VAC14: variants seen among roughly 807,000 people sequenced by gnomAD.
VAC14 encodes VAC14 component of PIKFYVE complex.
Under a neutral mutation model 85.3 loss-of-function variants are expected in VAC14, and 47 were observed. The observed-to-expected ratio is 0.55, with a 90% CI of 0.44 to 0.70. The LOEUF (loss-of-function observed/expected upper bound fraction) is 0.70, where lower values mean the gene tolerates loss of function less well. Among genes scored for constraint, VAC14 ranks in the 30% least tolerant of loss-of-function variants. The pLI, the probability that VAC14 is intolerant of heterozygous loss-of-function variation, is 0.00. For synonymous variants in VAC14, 447 were observed against 430.5 expected (o/e 1.04, Z -0.47); for missense variants, 861 against 1,004.3 (o/e 0.86, Z 1.93).
At chr16:70,712,835 C>G (rs1268596626) in intron 14 of VAC14, among the ~76,000 whole-genome samples, 1 of 152,214 alleles carries the variant, frequency 6.6e-6, no homozygotes, top group East Asian at 1.9e-4. Flanking sequence ...TGAGAATCCT[C>G]TGTGTGCTTC....
intron 2 of VAC14, 31 bp from the exon 3 acceptor site, chr16:70,785,900 A>G (rs1291167940): frequency 6.3e-7 from 1 of 1,586,348 alleles, no homozygotes; most frequent in African/African-American, 1.3e-5. Flanking sequence ...AAGACAGATC[A>G]GAATGGGTTG....
intron 14 of VAC14, among the ~76,000 whole-genome samples, chr16:70,708,812 G>A (rs1258179532): frequency 1.3e-5 from 2 of 152,234 alleles, no homozygotes; most frequent in Non-Finnish European, 2.9e-5. Context: ...TGGGTGCGGG[G>A]AGGAGGGGCA....
chr16:70,736,242 T>C (rs1055057616), intron 13 of VAC14, among the ~76,000 whole-genome samples: 2 of 152,166 alleles, frequency 1.3e-5, no homozygotes, highest in Non-Finnish European at 2.9e-5. Flanking sequence ...GATAAAAACA[T>C]GTAATGTGCC....
At chr16:70,794,489 A>T (rs1308724638) in intron 1 of VAC14, among the ~76,000 whole-genome samples, 1 of 152,238 alleles carries the variant, frequency 6.6e-6, no homozygotes, top group Non-Finnish European at 1.5e-5. Flanking sequence ...CAGAGATCAT[A>T]AACTCAAATG....
At chr16:70,711,411 G>C (rs1414482462) in intron 14 of VAC14, among the ~76,000 whole-genome samples, 1 of 152,156 alleles carries the variant, frequency 6.6e-6, no homozygotes, top group Non-Finnish European at 1.5e-5. Flanking sequence ...GCCTTCTTGA[G>C]GCCCCACCCC....
chr16:70,786,016 T>G, intron 2 of VAC14, 147 bp from the exon 3 acceptor site: 1 of 1,316,908 alleles, frequency 7.6e-7, no homozygotes, highest in Non-Finnish European at 1.0e-6. Context: ...CCAAGCCTCA[T>G]TCCCAGGAGA....
At chr16:70,689,564 C>T in intron 18 of VAC14, 2 of 985,706 alleles carry the variant, frequency 2.0e-6, no homozygotes, top group Non-Finnish European at 2.4e-6. Flanking sequence ...CCTCCTGCAC[C>T]CCTGCTCAGC....
chr16:70,691,666 GA>G (rs1224484217), intron 18 of VAC14: 1 of 985,366 alleles, frequency 1.0e-6, no homozygotes, highest in Non-Finnish European at 1.2e-6. Flanking sequence ...GCCTTCTGGG[GA>G]AATGGGGCAG....
At chr16:70,742,226 G>A (rs1184559210) in intron 13 of VAC14, among the ~76,000 whole-genome samples, 2 of 152,100 alleles carry the variant, frequency 1.3e-5, no homozygotes, top group Non-Finnish European at 2.9e-5. Context: ...TGGGGAGGGA[G>A]AGCCGAGGGT....
chr16:70,790,376 T>G (rs1176235617), intron 1 of VAC14, among the ~76,000 whole-genome samples: 4 of 152,226 alleles, frequency 2.6e-5, no homozygotes, highest in East Asian at 3.9e-4. Flanking sequence ...GGGAAGTAGG[T>G]GACAGGGTTG....
Position 70,698,732 on chromosome 16 carries a change from A to T in VAC14, c.1741T>A (p.Phe581Ile). The T allele has an allele frequency of 6.2e-7, 1 of 1,614,184 alleles. No individual in the cohort carries two copies. The highest frequency in any genetic ancestry group is 8.5e-7 in the Non-Finnish European group (1 of 1,180,014). Residue 581 changes from phenylalanine to isoleucine, a missense_variant, in exon 15 of 19, where the codon TTC becomes ATC. Around this residue, in one of 3 missense-constraint regions of VAC14, gnomAD observed 69 missense variants for 139.0 expected, o/e 0.50. Transcript: ENST00000261776. ...AGGGCGTGGACCATGGTCGAGGCGA[A>T]CTTGAGGTCCTCCTCCCGCAGCAGG... is the stretch of plus-strand genomic sequence containing the variant. ...DILLREEDLK[F>I]ASTMVHALNT...
chr16:70,788,066 C>T (rs570589916), intron 1 of VAC14, among the ~76,000 whole-genome samples: 1 of 152,364 alleles, frequency 6.6e-6, no homozygotes, highest in Non-Finnish European at 1.5e-5. Flanking sequence ...GTATCTTGCT[C>T]ACCTGTTCCA....
Position 70,698,793 on chromosome 16 carries a change from C to T in VAC14, c.1680G>A (p.Leu560=). Residue 560 remains leucine (L), a synonymous_variant, in exon 15 of 19, where the codon CTG becomes CTA. Coordinates refer to ENST00000261776, the MANE Select transcript of VAC14 (RefSeq NM_018052.5). ...TTGAGTGGAAGATGTTCTCCGCATTCAGCAGGAGGCACAGCTGCCTGGAGA... is the reference window on the plus strand; with the variant it reads ...TTGAGTGGAAGATGTTCTCCGCATTTAGCAGGAGGCACAGCTGCCTGGAGA... ...PFIIRQLCLL[L]NAENIFHSMA... is the part of the protein sequence containing the mutation. 6.2e-7 allele frequency: 1 copy of T among 1,614,020 alleles called. No homozygotes were observed. Among genetic ancestry groups the T allele is most frequent in the Non-Finnish European group, 8.5e-7 (1 of 1,180,008 alleles).
chr16:70,735,909 G>C (rs62048007), intron 13 of VAC14, among the ~76,000 whole-genome samples: 1 of 152,244 alleles, frequency 6.6e-6, no homozygotes, highest in African/African-American at 2.4e-5. Context: ...CTTATAGATC[G>C]AGTTACCCCA....
chr16:70,690,880 G>A, intron 18 of VAC14: 1 of 985,524 alleles, frequency 1.0e-6, no homozygotes, highest in Non-Finnish European at 1.2e-6. Flanking sequence ...TGGGGGTCCA[G>A]GGCATTGAAG....
intron 17 of VAC14, 53 bp from the exon 18 acceptor site, chr16:70,693,024 C>T: frequency 6.4e-7 from 1 of 1,572,922 alleles, no homozygotes; most frequent in Non-Finnish European, 8.6e-7. Flanking sequence ...CTGGGACACG[C>T]CCAGCCCACA....
At chr16:70,705,762 G>A (rs1183378648) in intron 14 of VAC14, among the ~76,000 whole-genome samples, 1 of 152,198 alleles carries the variant, frequency 6.6e-6, no homozygotes, top group Admixed American at 6.5e-5. Context: ...AGAAGCCTCA[G>A]CTGGCAAGTT....
At chr16:70,770,052 A>C (rs557274167) in intron 10 of VAC14, 1 of 152,452 alleles carries the variant, frequency 6.6e-6, no homozygotes, top group Non-Finnish European at 1.5e-5. Context: ...CCAGTACCTG[A>C]GTCTGCCTCC....
At chr16:70,725,732 G>A (rs1156728312) in intron 14 of VAC14, among the ~76,000 whole-genome samples, 10 of 152,178 alleles carry the variant, frequency 6.6e-5, no homozygotes, top group African/African-American at 9.7e-5. Flanking sequence ...TCAGGATCTC[G>A]TGAAAGAAGT....
Sources: allele counts gnomAD v4.1 joint callset (sites outside exome capture counted in the v4.1 genomes callset), GRCh38; gene constraint gnomAD v4.1.1; regional missense constraint gnomAD v4.1.1; transcripts MANE v1.5; gene names NCBI Gene and HGNC (gene_info 2026-07-23, HGNC 2026-07-21).